ZMYM4: variants seen among roughly 807,000 people sequenced by gnomAD.
ZMYM4 encodes the protein zinc finger MYM-type protein 4.
Under a neutral mutation model 183.2 loss-of-function variants are expected in ZMYM4, and 31 were observed. The ratio of observed to expected loss-of-function variants is 0.17; its 90% CI spans 0.13 to 0.23. ZMYM4 has a LOEUF of 0.23. Among genes scored for constraint, ZMYM4 ranks in the 10% least tolerant of loss-of-function variants. The probability of loss-of-function intolerance (pLI) is 1.00; values close to 1 mark genes in which losing one functional copy is unlikely to be tolerated. For synonymous variants in ZMYM4, 592 were observed against 631.2 expected, an observed-to-expected ratio of 0.94 and a Z score of 0.93; for missense variants, 1,273 against 1,840.3, an observed-to-expected ratio of 0.69 and a Z score of 5.64.
intron 2 of ZMYM4, among the ~76,000 whole-genome samples, chr1:35,342,408 G>A (rs533149768): frequency 6.6e-6 from 1 of 152,138 alleles, no homozygotes; most frequent in African/African-American, 2.4e-5. Flanking sequence ...CAATCCTCCT[G>A]CCTTGGCCTC....
intron 2 of ZMYM4, among the ~76,000 whole-genome samples, chr1:35,347,280 T>G (rs1430135940): frequency 6.6e-6 from 1 of 152,252 alleles, no homozygotes; most frequent in Non-Finnish European, 1.5e-5. Flanking sequence ...GTGCTGGGAT[T>G]ACAGGCGTGA....
In ZMYM4 at chr1:35,349,472, T is replaced by C. The variant is rs140635594; in HGVS notation, c.86-9453T>C. Among the ~76,000 whole-genome samples the C allele has an allele frequency of 3.7e-4, 57 of 152,328 alleles. No individual in the cohort carries two copies. In the East Asian group the frequency reaches 0.011, roughly 29 times the overall value. ...ACATTGTGATCTTATAAAGGGGTTT[T>C]TATTATTTAGGAAATTATATTTTAT... is the stretch of plus-strand genomic sequence containing the variant. On this transcript the variant is annotated intron_variant, in intron 2 of 29. Transcript: ENST00000314607.
At chr1:35,300,992 T>TA (rs917888702) in intron 1 of ZMYM4, among the ~76,000 whole-genome samples, 6 of 151,712 alleles carry the variant, frequency 4.0e-5, no homozygotes, top group Admixed American at 2.0e-4. Flanking sequence ...GTGCAGGACT[T>TA]AAAAAAAAAT....
chr1:35,280,814 A>C (rs1014267931), intron 1 of ZMYM4, among the ~76,000 whole-genome samples: 50 of 152,268 alleles, frequency 3.3e-4, no homozygotes, highest in African/African-American at 1.1e-3. Context: ...ACTCTAATTC[A>C]GGATGATCTC....
At chr1:35,350,375 A>G (rs1570410980) in intron 2 of ZMYM4, among the ~76,000 whole-genome samples, 1 of 151,544 alleles carries the variant, frequency 6.6e-6, no homozygotes, top group Non-Finnish European at 1.5e-5. Context: ...TGCAACCTCT[A>G]CCTCCCAGGT....
intron 1 of ZMYM4, among the ~76,000 whole-genome samples, chr1:35,281,483 T>G (rs1445389994): frequency 6.6e-6 from 1 of 151,944 alleles, no homozygotes; most frequent in Non-Finnish European, 1.5e-5. Context: ...AGGAAGATAT[T>G]GGTCCAAGAG....
At position 35,389,926 on chromosome 1, in the gene ZMYM4, T is replaced by G. The variant is rs1364118566; in HGVS notation, c.2437-22T>G. The G allele has an allele frequency of 6.3e-7, 1 of 1,598,172 alleles. No individual in the cohort carries two copies. Among genetic ancestry groups the G allele is most frequent in the Admixed American group, 1.7e-5 (1 of 58,934 alleles). ...CCACAGATAATTTGTTTCTTACTCC[T>G]TGACTACCTTCTTCTTTTTAGATGG... is the stretch of plus-strand genomic sequence containing the variant. On this transcript the variant is annotated intron_variant, in intron 14 of 29. Transcript: ENST00000314607. The surrounding 1 kb of genome is among the most constrained non-coding windows in gnomAD (Gnocchi z 4.0).
intron 2 of ZMYM4, among the ~76,000 whole-genome samples, chr1:35,353,168 T>C (rs1643692976): frequency 6.6e-6 from 1 of 152,224 alleles, no homozygotes; most frequent in African/African-American, 2.4e-5. Context: ...CTTCAAAATA[T>C]ATCCACATCT....
At chr1:35,310,517 T>A (rs1641744775) in intron 1 of ZMYM4, 1 of 153,452 alleles carries the variant, frequency 6.5e-6, no homozygotes, top group African/African-American at 2.4e-5. Context: ...CAATTATACA[T>A]AAATTTATGT....
intron 1 of ZMYM4, among the ~76,000 whole-genome samples, chr1:35,303,552 C>T (rs1480950803): frequency 2.0e-5 from 3 of 152,048 alleles, no homozygotes; most frequent in East Asian, 3.9e-4. Context: ...ACTATAGGCA[C>T]GCACCATCAC....
In ZMYM4 at chr1:35,325,729, C is replaced by T. The variant is rs910127661; in HGVS notation, c.85+324C>T. Among the ~76,000 whole-genome samples the T allele has an allele frequency of 6.6e-5, 10 of 151,694 alleles. 1 individual carries two copies. The highest frequency in any genetic ancestry group is 2.0e-4 in the Admixed American group (3 of 15,210). Reference sequence around the variant, plus strand: ...AGGTCTTTTATTTTCTTTTAAAATTCTTTTTGTGTTATCGTATTTTTAGAA... The same window carrying T: ...AGGTCTTTTATTTTCTTTTAAAATTTTTTTTGTGTTATCGTATTTTTAGAA... On this transcript the variant is annotated intron_variant, in intron 2 of 29. Coordinates refer to ENST00000314607, the MANE Select transcript of ZMYM4 (RefSeq NM_005095.3).
intron 1 of ZMYM4, among the ~76,000 whole-genome samples, chr1:35,296,370 A>G (rs544616340): frequency 1.3e-5 from 2 of 152,350 alleles, no homozygotes; most frequent in Admixed American, 1.3e-4. Context: ...ACCTCCATCT[A>G]CACAAGCTAA....
intron 1 of ZMYM4, among the ~76,000 whole-genome samples, chr1:35,298,962 G>C (rs1641147687): frequency 6.6e-6 from 1 of 151,552 alleles, no homozygotes; most frequent in Non-Finnish European, 1.5e-5. Context: ...AATACCTCTT[G>C]TAGACTGGTC....
intron 1 of ZMYM4, among the ~76,000 whole-genome samples, chr1:35,276,115 A>G (rs1570220976): frequency 6.6e-6 from 1 of 151,104 alleles, no homozygotes. Context: ...ATCAAGAATC[A>G]TATGTGTTTT....
intron 1 of ZMYM4, among the ~76,000 whole-genome samples, chr1:35,283,819 G>T (rs1231830271): frequency 2.6e-5 from 4 of 151,840 alleles, no homozygotes; most frequent in Non-Finnish European, 4.4e-5. Context: ...TTAATTGCTT[G>T]TCTTTTTTGT....
intron 1 of ZMYM4, among the ~76,000 whole-genome samples, chr1:35,289,600 CAG>C (rs1418632796): frequency 3.3e-5 from 5 of 152,118 alleles, no homozygotes; most frequent in Admixed American, 1.3e-4. Context: ...TAGTCTGAAT[CAG>C]GGGTTCTCAA....
At chr1:35,396,949 A>G (rs1044896851) in intron 19 of ZMYM4, 13 of 607,374 alleles carry the variant, frequency 2.1e-5, no homozygotes, top group Non-Finnish European at 2.4e-5. Context: ...GTATGTTGAA[A>G]TCCTGGATTC....
At chr1:35,365,339 T>G (rs182365658) in intron 5 of ZMYM4, among the ~76,000 whole-genome samples, 1 of 151,772 alleles carries the variant, frequency 6.6e-6, no homozygotes, top group African/African-American at 2.4e-5. Flanking sequence ...ATAGATACTT[T>G]AAAGAGAGCC....
intron 2 of ZMYM4, chr1:35,350,681 G>A (rs1643572055): frequency 3.2e-6 from 1 of 315,696 alleles, no homozygotes; most frequent in Non-Finnish European, 6.1e-6. Flanking sequence ...TGGGCCTGCA[G>A]GTCTCTGTCC....
Sources: allele counts gnomAD v4.1 joint callset (sites outside exome capture counted in the v4.1 genomes callset), GRCh38; gene constraint gnomAD v4.1.1; non-coding constraint Gnocchi (gnomAD v3.1); transcripts MANE v1.5; gene names NCBI Gene and HGNC (gene_info 2026-07-23, HGNC 2026-07-21).